BICC1: variants seen among roughly 807,000 people sequenced by gnomAD.
The protein encoded by BICC1 is protein bicaudal C homolog 1.
BICC1 carries 43 observed loss-of-function variants against 111.0 expected under a neutral mutation model. The ratio of observed to expected loss-of-function variants is 0.39; its 90% CI spans 0.30 to 0.50. BICC1 has a LOEUF of 0.50. Among genes scored for constraint, BICC1 ranks in the 20% least tolerant of loss-of-function variants. The pLI, the probability that BICC1 is intolerant of heterozygous loss-of-function variation, is 0.88. For synonymous variants in BICC1, 467 were observed against 434.4 expected, an observed-to-expected ratio of 1.07 and a Z score of -0.93; for missense variants, 1,091 against 1,203.2, an observed-to-expected ratio of 0.91 and a Z score of 1.38.
intron 2 of BICC1, among the ~76,000 whole-genome samples, chr10:58,646,788 C>T (rs1393794880): frequency 8.1e-5 from 1 of 12,308 alleles, no homozygotes; most frequent in Non-Finnish European, 3.1e-4. Flanking sequence ...CTTGCCTGTT[C>T]CTGATTTTTT....
chr10:58,536,526 A>G (rs574731385), intron 1 of BICC1, among the ~76,000 whole-genome samples: 6 of 151,744 alleles, frequency 4.0e-5, no homozygotes, highest in Admixed American at 6.6e-5. Context: ...ATTGATAACA[A>G]TGACACAAGT....
intron 3 of BICC1, among the ~76,000 whole-genome samples, chr10:58,773,018 C>G (rs1321820175): frequency 6.6e-6 from 1 of 152,138 alleles, no homozygotes; most frequent in Admixed American, 6.5e-5. Flanking sequence ...TGCCAAGATA[C>G]TTCCAGTAAT....
intron 5 of BICC1, among the ~76,000 whole-genome samples, chr10:58,787,540 G>C (rs1452955946): frequency 1.3e-5 from 2 of 152,154 alleles, no homozygotes; most frequent in Middle Eastern, 3.2e-3. Context: ...ACACATTTGT[G>C]CTTGTTCTTC....
chr10:58,815,960 A>G (rs1207453557), intron 18 of BICC1, among the ~76,000 whole-genome samples: 2 of 152,208 alleles, frequency 1.3e-5, no homozygotes, highest in Non-Finnish European at 1.5e-5. Flanking sequence ...CAGGTGCTCA[A>G]TAGCCATGTG....
intron 3 of BICC1, among the ~76,000 whole-genome samples, chr10:58,705,631 C>T (rs1840365031): frequency 6.6e-6 from 1 of 152,182 alleles, no homozygotes; most frequent in African/African-American, 2.4e-5. Context: ...GAAATATTTT[C>T]ATGTGCACAG....
At chr10:58,735,287 C>T (rs139722266) in intron 3 of BICC1, among the ~76,000 whole-genome samples, 2 of 152,248 alleles carry the variant, frequency 1.3e-5, no homozygotes, top group South Asian at 2.1e-4. Context: ...TTTTTCTTCT[C>T]GCAGCCTGTG....
At position 58,799,229 on chromosome 10, in the gene BICC1, G is replaced by A. The variant is rs753576572; in HGVS notation, c.1702G>A (p.Ala568Thr). The A allele has an allele frequency of 7.5e-6, 12 of 1,608,170 alleles. No homozygotes were observed. Among genetic ancestry groups the A allele is most frequent in the Non-Finnish European group, 9.3e-6 (11 of 1,176,670 alleles). The change falls in exon 12 of 21, where the codon GCT (alanine) becomes ACT (threonine). Residue 568 changes from alanine to threonine, a missense_variant. This residue lies in a region of BICC1 where 843 missense variants were observed against 900.8 expected (regional missense o/e 0.94). Transcript: ENST00000373886. ...GCAGACCGAAGGCAAAAAAATCTCT[G>A]CTGCTTTAAATGGACATGCACAGGT... ...SMQTEGKKIS[A>T]ALNGHAQSPD...
intron 2 of BICC1, among the ~76,000 whole-genome samples, chr10:58,689,448 G>A (rs1839850589): frequency 6.6e-6 from 1 of 152,124 alleles, no homozygotes; most frequent in Non-Finnish European, 1.5e-5. Flanking sequence ...CAGCTTAAAT[G>A]TTCACTTGTG....
intron 2 of BICC1, among the ~76,000 whole-genome samples, chr10:58,641,786 T>C (rs1838131736): frequency 6.6e-6 from 1 of 152,194 alleles, no homozygotes; most frequent in Admixed American, 6.5e-5. Context: ...AAAACACACA[T>C]AAAAGTTACC....
chr10:58,554,779 T>C (rs1333740868), intron 1 of BICC1, among the ~76,000 whole-genome samples: 2 of 143,196 alleles, frequency 1.4e-5, no homozygotes, highest in African/African-American at 2.5e-5. Context: ...TAAAGTCTTA[T>C]ATGACTTACA....
intron 2 of BICC1, among the ~76,000 whole-genome samples, chr10:58,668,470 A>G (rs924710919): frequency 1.3e-5 from 2 of 152,052 alleles, no homozygotes; most frequent in African/African-American, 2.4e-5. Flanking sequence ...TCAAAATTTT[A>G]CTTTTGCACA....
intron 3 of BICC1, among the ~76,000 whole-genome samples, chr10:58,705,715 T>G (rs923806963): frequency 6.6e-6 from 1 of 152,234 alleles, no homozygotes; most frequent in Non-Finnish European, 1.5e-5. Context: ...TTTTTAATTT[T>G]AGATTCAGGG....
chr10:58,526,842 G>A (rs1156487090), intron 1 of BICC1, among the ~76,000 whole-genome samples: 3 of 152,164 alleles, frequency 2.0e-5, no homozygotes, highest in Non-Finnish European at 2.9e-5. Flanking sequence ...GGACATTTGG[G>A]TTGGTTCCAA....
intron 3 of BICC1, among the ~76,000 whole-genome samples, chr10:58,711,609 C>T (rs1840575267): frequency 6.6e-6 from 1 of 152,134 alleles, no homozygotes; most frequent in African/African-American, 2.4e-5. Flanking sequence ...TCTTGATCTC[C>T]AGCTAGTTCC....
At chr10:58,642,231 C>T (rs773507063) in intron 2 of BICC1, among the ~76,000 whole-genome samples, 15 of 152,132 alleles carry the variant, frequency 9.9e-5, no homozygotes, top group East Asian at 1.9e-4. Context: ...TCTGCACTTT[C>T]GGGGTGAATG....
chr10:58,688,643 A>G (rs759291106), intron 2 of BICC1, among the ~76,000 whole-genome samples: 10 of 152,206 alleles, frequency 6.6e-5, no homozygotes, highest in Non-Finnish European at 1.0e-4. Flanking sequence ...ATGCCCATCA[A>G]TGATTGACTG....
intron 8 of BICC1, among the ~76,000 whole-genome samples, chr10:58,791,206 A>T (rs1000990270): frequency 5.9e-5 from 9 of 152,120 alleles, no homozygotes; most frequent in Non-Finnish European, 5.9e-5. Flanking sequence ...ATATCCAAGA[A>T]TTGTTGTAAT....
At chr10:58,665,850 TC>T (rs1838992404) in intron 2 of BICC1, among the ~76,000 whole-genome samples, 1 of 152,208 alleles carries the variant, frequency 6.6e-6, no homozygotes, top group South Asian at 2.1e-4. Context: ...ATTTCTGATC[TC>T]TAATGAATTT....
At chr10:58,635,841 C>G (rs912131415) in intron 2 of BICC1, among the ~76,000 whole-genome samples, 1 of 152,098 alleles carries the variant, frequency 6.6e-6, no homozygotes, top group Non-Finnish European at 1.5e-5. Flanking sequence ...TTTTTTTCCT[C>G]TTTGTCTCTG....
Sources: allele counts gnomAD v4.1 joint callset (sites outside exome capture counted in the v4.1 genomes callset), GRCh38; gene constraint gnomAD v4.1.1; regional missense constraint gnomAD v4.1.1; transcripts MANE v1.5; gene names NCBI Gene and HGNC (gene_info 2026-07-23, HGNC 2026-07-21).